Variants in KIF13A observed in about 807,000 individuals in gnomAD.
KIF13A encodes the protein kinesin-like protein KIF13A.
A neutral mutation model predicts 212.2 loss-of-function variants in KIF13A; 79 were observed. That is an observed-to-expected ratio of 0.37 (90% CI 0.31 to 0.45). The LOEUF (loss-of-function observed/expected upper bound fraction) is 0.45, where lower values mean the gene tolerates loss of function less well. Ranked by LOEUF, KIF13A falls within the 20% of genes least tolerant of loss-of-function variation. The pLI is 1.00. For synonymous variants in KIF13A, 789 were observed against 808.6 expected, an observed-to-expected ratio of 0.98 and a Z score of 0.41; for missense variants, 1,901 against 2,209.0, an observed-to-expected ratio of 0.86 and a Z score of 2.79.
rs1031121394 is a variant in KIF13A at position 17,971,375 on chromosome 6, G to A, written c.146+15679C>T. 1.3e-5 allele frequency among the ~76,000 whole-genome samples: 2 copies of A among 152,144 alleles called. No individual in the cohort carries two copies. Among genetic ancestry groups the A allele is most frequent in the African/African-American group, 2.4e-5 (1 of 41,416 alleles). On this transcript the variant is annotated intron_variant, in intron 2 of 38. Coordinates refer to ENST00000259711, the MANE Select transcript of KIF13A (RefSeq NM_022113.6). The surrounding 1 kb of genome is among the most constrained non-coding windows in gnomAD (Gnocchi z 4.2). ...GTCCTTTCTCCTATTCTGGTGTTAA[G>A]CTGACCTCTATTTTATAATAAAATA... is the stretch of plus-strand genomic sequence containing the variant.
At chr6:17,877,012 G>A (rs1272994305) in intron 3 of KIF13A, among the ~76,000 whole-genome samples, 3 of 152,080 alleles carry the variant, frequency 2.0e-5, no homozygotes, top group Non-Finnish European at 4.4e-5. Context: ...TTTGAAGCCT[G>A]CAATGTTTAT....
chr6:17,797,069 G>A (rs1277467056), intron 22 of KIF13A, among the ~76,000 whole-genome samples: 2 of 149,150 alleles, frequency 1.3e-5, no homozygotes, highest in Non-Finnish European at 1.5e-5. Flanking sequence ...TTGCTCTGTC[G>A]CCCAGGCTGG....
intron 3 of KIF13A, 132 bp from the exon 4 acceptor site, chr6:17,873,569 T>G (rs1770219421): frequency 4.7e-6 from 3 of 641,972 alleles, no homozygotes; most frequent in Non-Finnish European, 8.0e-6. Flanking sequence ...CACTATAGGT[T>G]TGGTGCTTTT....
At chr6:17,980,524 TAAG>T (rs1014099062) in intron 2 of KIF13A, among the ~76,000 whole-genome samples, 12 of 151,972 alleles carry the variant, frequency 7.9e-5, no homozygotes, top group Admixed American at 5.2e-4. Flanking sequence ...ACAGAACACG[TAAG>T]AAGGGCCAAG....
At chr6:17,800,192 A>C in intron 20 of KIF13A, 79 bp from the exon 21 acceptor site, 1 of 1,360,858 alleles carries the variant, frequency 7.3e-7, no homozygotes, top group Non-Finnish European at 1.0e-6. Context: ...CGTGCCTTCT[A>C]CAGTGAACCT....
chr6:17,923,044 G>A (rs1775217474), intron 2 of KIF13A, among the ~76,000 whole-genome samples: 1 of 152,064 alleles, frequency 6.6e-6, no homozygotes, highest in Non-Finnish European at 1.5e-5. Context: ...GGCTGAGGCA[G>A]GTGGATCACT....
rs1229493762 is a variant in KIF13A, at chr6:17,780,868, A to G, written c.3708T>C (p.Asp1236=). The change falls in exon 31 of 39, where the codon GAT becomes GAC. Residue 1236 remains aspartate, a synonymous_variant. Coordinates refer to ENST00000259711, the MANE Select transcript of KIF13A (RefSeq NM_022113.6). ...ATASWDSSVH[D]SVHLNRVTPQ... Reference sequence around the variant, plus strand: ...GTGTGACCCTATTCAAGTGAACAGAATCATGCACCGAGGAATCCCAAGAGG... The same window carrying G: ...GTGTGACCCTATTCAAGTGAACAGAGTCATGCACCGAGGAATCCCAAGAGG... 1 of 1,613,870 alleles carries G rather than the reference A, an allele frequency of 6.2e-7. No homozygotes were observed. The highest frequency in any genetic ancestry group is 1.3e-5 in the African/African-American group (1 of 74,934).
At chr6:17,821,757 C>T (rs1284482108) in intron 16 of KIF13A, 2 of 1,534,474 alleles carry the variant, frequency 1.3e-6, no homozygotes, top group Admixed American at 2.0e-5. Flanking sequence ...AGCCAAGCTC[C>T]CTCATGCCAA....
chr6:17,896,314 T>C (rs1772563076), intron 3 of KIF13A, among the ~76,000 whole-genome samples: 2 of 140,942 alleles, frequency 1.4e-5, no homozygotes, highest in Admixed American at 8.2e-5. Flanking sequence ...CCCAGAATAA[T>C]TATTTGTTAA....
intron 2 of KIF13A, chr6:17,950,807 C>A (rs1354738402): frequency 2.0e-6 from 2 of 978,830 alleles, no homozygotes; most frequent in Non-Finnish European, 2.4e-6. Context: ...ACTTTTAAAT[C>A]TTTCTTAATT....
intron 2 of KIF13A, among the ~76,000 whole-genome samples, chr6:17,902,246 T>A (rs1181354240): frequency 1.3e-5 from 2 of 152,212 alleles, no homozygotes. Context: ...GTGTGTTTAT[T>A]TCTGACCACT....
intron 29 of KIF13A, among the ~76,000 whole-genome samples, chr6:17,782,280 T>A (rs916850466): frequency 3.3e-5 from 5 of 152,170 alleles, no homozygotes; most frequent in African/African-American, 9.7e-5. Flanking sequence ...AGTTGCCTTG[T>A]GAGTCTCCTA....
chr6:17,759,360 CTTTT>C (rs951254129), downstream of KIF13A: 17 of 152,052 alleles, frequency 1.1e-4, no homozygotes, highest in Non-Finnish European at 2.4e-4. Context: ...TACAGTTTTT[CTTTT>C]TTTAACAGAC....
chr6:17,796,840 G>T lies in KIF13A; in HGVS notation c.2791-20C>A. ...ATAGTCCTGGGATAAGTGGGGGAAA[G>T]CAAAAGAATTATGCTTAAAGGAGTC... On this transcript the variant is annotated intron_variant, in intron 22 of 38. Coordinates refer to ENST00000259711, the MANE Select transcript of KIF13A (RefSeq NM_022113.6). 6.9e-7 allele frequency: 1 copy of T among 1,454,418 alleles called. No homozygotes were observed. Among genetic ancestry groups the T allele is most frequent in the Non-Finnish European group, 9.2e-7 (1 of 1,092,626 alleles). The allele number at this position is 1,454,418 out of a possible 1,614,324, so 90.1% of individuals were successfully genotyped here.
intron 16 of KIF13A, among the ~76,000 whole-genome samples, chr6:17,817,460 G>A (rs1414804237): frequency 2.0e-5 from 3 of 152,108 alleles, no homozygotes; most frequent in Non-Finnish European, 4.4e-5. Flanking sequence ...CATCCTCTAC[G>A]TTACTTTCTT....
intron 2 of KIF13A, among the ~76,000 whole-genome samples, chr6:17,976,703 C>T (rs567586075): frequency 6.4e-4 from 98 of 151,948 alleles, no homozygotes; most frequent in Middle Eastern, 6.9e-3. Flanking sequence ...GAGGAGGCGC[C>T]GAGAGCGAGC....
intron 2 of KIF13A, chr6:17,953,796 T>G (rs766417989): frequency 4.4e-5 from 8 of 181,340 alleles, no homozygotes; most frequent in Non-Finnish European, 8.5e-5. Flanking sequence ...GACAGGAGAC[T>G]AGGGGAATAG....
intron 23 of KIF13A, among the ~76,000 whole-genome samples, chr6:17,795,529 A>C (rs1012017742): frequency 2.7e-5 from 4 of 150,208 alleles, no homozygotes; most frequent in African/African-American, 9.8e-5. Context: ...CAGGAGGTGG[A>C]GGTTGCAGTG....
At chr6:17,857,169 C>A (rs1170627621) in intron 4 of KIF13A, among the ~76,000 whole-genome samples, 2 of 152,064 alleles carry the variant, frequency 1.3e-5, no homozygotes, top group African/African-American at 4.8e-5. Flanking sequence ...TTTTAGGAGT[C>A]TCTTATTATA....
Sources: gnomAD v4.1 joint callset for allele counts (sites outside exome capture counted in the v4.1 genomes callset) on GRCh38, gnomAD v4.1.1 for gene constraint, Gnocchi (gnomAD v3.1) non-coding constraint, MANE v1.5 for transcripts, NCBI Gene and HGNC (gene_info 2026-07-23, HGNC 2026-07-21) for gene names.